PTPRD: variants seen among roughly 807,000 people sequenced by gnomAD.
The protein encoded by PTPRD is protein tyrosine phosphatase receptor type D, also known as receptor-type tyrosine-protein phosphatase delta.
In PTPRD, 34 loss-of-function variants were observed where a neutral mutation model predicts 214.5. The ratio of observed to expected loss-of-function variants is 0.16; its 90% confidence interval spans 0.12 to 0.21. The LOEUF is 0.21. Among genes scored for constraint, PTPRD ranks in the 10% least tolerant of loss-of-function variants. PTPRD has a pLI of 1.00. For synonymous variants in PTPRD, 1,128 were observed against 845.7 expected (o/e 1.33, Z -5.79); for missense variants, 2,545 against 2,398.7 (o/e 1.06, Z -1.27).
chr9:10,471,518 G>C (rs893134067), intron 2 of PTPRD, among the ~76,000 whole-genome samples: 2 of 151,976 alleles, frequency 1.3e-5, no homozygotes, highest in Non-Finnish European at 2.9e-5. Flanking sequence ...TTTAGTGTTT[G>C]TATGATTTTG....
chr9:8,575,663 T>C (rs764305192), intron 14 of PTPRD, among the ~76,000 whole-genome samples: 2 of 152,094 alleles, frequency 1.3e-5, no homozygotes, highest in African/African-American at 2.4e-5. Context: ...TCCATTACAA[T>C]GTCAGAAAAA....
At chr9:9,091,735 A>G (rs1001478194) in intron 10 of PTPRD, among the ~76,000 whole-genome samples, 4 of 152,192 alleles carry the variant, frequency 2.6e-5, no homozygotes, top group African/African-American at 9.7e-5. Flanking sequence ...ACAAAACCTA[A>G]CAGAACCAGC....
At chr9:10,420,929 C>T (rs186057509) in intron 2 of PTPRD, among the ~76,000 whole-genome samples, 2 of 151,770 alleles carry the variant, frequency 1.3e-5, no homozygotes, top group East Asian at 3.9e-4. Context: ...TTGTCTCATG[C>T]TTTCTTCACT....
intron 11 of PTPRD, among the ~76,000 whole-genome samples, chr9:8,973,269 C>T (rs949547082): frequency 5.9e-5 from 9 of 151,854 alleles, no homozygotes; most frequent in Non-Finnish European, 1.3e-4. Flanking sequence ...TATTTATGTC[C>T]CTGCGCGCTC....
chr9:9,469,289 T>C (rs1379669994), intron 8 of PTPRD, among the ~76,000 whole-genome samples: 1 of 152,170 alleles, frequency 6.6e-6, no homozygotes, highest in African/African-American at 2.4e-5. Context: ...TGTATGTGAC[T>C]TGCATTATCT....
At chr9:8,406,505 A>G (rs560218186) in intron 35 of PTPRD, among the ~76,000 whole-genome samples, 45 of 152,230 alleles carry the variant, frequency 3.0e-4, no homozygotes, top group Non-Finnish European at 5.6e-4. Context: ...TGCCTGTTTA[A>G]TAACTTCCAC....
intron 3 of PTPRD, among the ~76,000 whole-genome samples, chr9:10,133,868 T>C (rs1468761238): frequency 6.6e-6 from 1 of 152,200 alleles, no homozygotes; most frequent in Non-Finnish European, 1.5e-5. Flanking sequence ...ATGTGATTTT[T>C]TGTTGTTGGT....
At chr9:8,514,860 G>C (rs12341078) in intron 21 of PTPRD, among the ~76,000 whole-genome samples, 29,589 of 151,978 alleles carry the variant, frequency 0.19, 3,064 homozygotes, top group East Asian at 0.28. Context: ...TTGAACAATG[G>C]GGGTGGTTTC....
chr9:10,503,213 A>AAAAAAAAAAAC (rs1555437452), intron 2 of PTPRD, among the ~76,000 whole-genome samples: 4 of 149,480 alleles, frequency 2.7e-5, no homozygotes, highest in African/African-American at 9.9e-5. Context: ...AAAAACAAAA[A>AAAAAAAAAAAC]AAAACACCAT....
chr9:9,450,148 GTTTC>G, intron 8 of PTPRD, among the ~76,000 whole-genome samples: 1 of 150,238 alleles, frequency 6.7e-6, no homozygotes, highest in East Asian at 2.0e-4. Context: ...GTGTATTACA[GTTTC>G]TTTATCCACT....
rs1017313647 is a variant in PTPRD at position 8,460,574 on chromosome 9, G to C, written c.3715-3C>G. ...TAAGGGCTGGTTGCATACATCTTCT[G>C]AGGAAAAGCAGAGTCTATTTCAGTT... On this transcript the variant is annotated splice_polypyrimidine_tract_variant and splice_region_variant and intron_variant, in intron 32 of 45. Transcript: ENST00000381196. 1 of 1,610,474 alleles carries C rather than the reference G, an allele frequency of 6.2e-7. No individual in the cohort carries two copies. Among genetic ancestry groups the C allele is most frequent in the Non-Finnish European group, 8.5e-7 (1 of 1,178,738 alleles).
intron 3 of PTPRD, among the ~76,000 whole-genome samples, chr9:10,316,475 T>C (rs905484782): frequency 8.1e-4 from 123 of 151,846 alleles, no homozygotes; most frequent in African/African-American, 2.8e-3. Context: ...TTATAATAGA[T>C]TAAATAATAT....
At chr9:9,714,934 T>A (rs2097792835) in intron 7 of PTPRD, among the ~76,000 whole-genome samples, 1 of 152,168 alleles carries the variant, frequency 6.6e-6, no homozygotes, top group Non-Finnish European at 1.5e-5. Context: ...AAATATTTAG[T>A]ATATTATGTT....
intron 12 of PTPRD, among the ~76,000 whole-genome samples, chr9:8,724,692 G>A (rs563116392): frequency 2.6e-5 from 4 of 152,018 alleles, no homozygotes; most frequent in Non-Finnish European, 5.9e-5. Flanking sequence ...TCAGCACGTC[G>A]GGAGGCCAAG....
chr9:9,923,757 T>A (rs1470298001), intron 5 of PTPRD, among the ~76,000 whole-genome samples: 1 of 151,918 alleles, frequency 6.6e-6, no homozygotes, highest in Non-Finnish European at 1.5e-5. Flanking sequence ...GAAGTACACA[T>A]CTAAAATGTA....
intron 14 of PTPRD, among the ~76,000 whole-genome samples, chr9:8,557,811 T>C (rs548478150): frequency 0.012 from 1,588 of 129,274 alleles, 18 homozygotes; most frequent in African/African-American, 0.041. Context: ...CACACACATA[T>C]ATACACACAC....
At chr9:9,337,929 A>C (rs1214593042) in intron 9 of PTPRD, among the ~76,000 whole-genome samples, 3 of 152,208 alleles carry the variant, frequency 2.0e-5, no homozygotes, top group African/African-American at 7.2e-5. Flanking sequence ...AAATTATAAA[A>C]TTGCGGAATT....
chr9:9,122,111 G>A (rs2099818173), intron 10 of PTPRD, among the ~76,000 whole-genome samples: 1 of 152,138 alleles, frequency 6.6e-6, no homozygotes, highest in Non-Finnish European at 1.5e-5. Flanking sequence ...AGTGATTCAT[G>A]ATTAACAGTA....
intron 10 of PTPRD, among the ~76,000 whole-genome samples, chr9:9,171,180 A>T (rs2099914547): frequency 6.6e-6 from 1 of 152,112 alleles, no homozygotes. Context: ...CTTATCATTG[A>T]TTCTTGTGGA....
Sources: allele counts gnomAD v4.1 joint callset (sites outside exome capture counted in the v4.1 genomes callset), GRCh38; gene constraint gnomAD v4.1.1; transcripts MANE v1.5; gene names NCBI Gene and HGNC (gene_info 2026-07-23, HGNC 2026-07-21).